ROBO1: variants seen among roughly 807,000 people sequenced by gnomAD.
ROBO1 encodes the protein roundabout homolog 1.
A neutral mutation model predicts 195.9 loss-of-function variants in ROBO1; 149 were observed. The ratio of observed to expected loss-of-function variants is 0.76; its 90% CI spans 0.67 to 0.87. The LOEUF is 0.87. ROBO1 is among the 40% of genes least tolerant of loss of function. The pLI, the probability that ROBO1 is intolerant of heterozygous loss-of-function variation, is 0.00. For missense variants in ROBO1, 1,933 were observed against 2,068.3 expected (o/e 0.93, Z 1.27); for synonymous variants, 816 against 733.2 (o/e 1.11, Z -1.82).
rs374944008 is a variant in ROBO1 at position 78,651,299 on chromosome 3, C to T, written c.2812+433G>A. On this transcript the variant is annotated intron_variant, in intron 19 of 30. Coordinates refer to ENST00000464233, the MANE Select transcript of ROBO1 (RefSeq NM_002941.4). ...AAGAAAGGAGTATTTTATAAATAAT[C>T]AAACGGCAGTATTTTCTATTTTGCT... Among the ~76,000 whole-genome samples the T allele has an allele frequency of 7.6e-4, 115 of 152,230 alleles. 1 individual carries two copies. Among genetic ancestry groups the T allele is most frequent in the Non-Finnish European group, 1.3e-3 (88 of 68,012 alleles).
At chr3:79,577,259 T>A (rs558157205) in intron 2 of ROBO1, among the ~76,000 whole-genome samples, 1 of 152,324 alleles carries the variant, frequency 6.6e-6, no homozygotes, top group Non-Finnish European at 1.5e-5. Context: ...TAGCGTCATT[T>A]ATTTACACTG....
intron 3 of ROBO1, among the ~76,000 whole-genome samples, chr3:79,105,987 G>T (rs1398211207): frequency 1.3e-5 from 2 of 151,694 alleles, no homozygotes; most frequent in East Asian, 1.9e-4. Flanking sequence ...TAAATTTAAA[G>T]TAAGGTAATG....
chr3:79,642,077 AAAT>A (rs1945681455), intron 1 of ROBO1, among the ~76,000 whole-genome samples: 1 of 152,190 alleles, frequency 6.6e-6, no homozygotes, highest in Non-Finnish European at 1.5e-5. Flanking sequence ...AAAGAAATTG[AAAT>A]AATAATAAAA....
intron 3 of ROBO1, among the ~76,000 whole-genome samples, chr3:78,949,270 G>T (rs1418362793): frequency 8.2e-6 from 1 of 121,660 alleles, no homozygotes; most frequent in Non-Finnish European, 1.7e-5. Context: ...ATACTACAAG[G>T]CTACAGTAAC....
At chr3:79,081,014 C>T (rs1249457423) in intron 3 of ROBO1, among the ~76,000 whole-genome samples, 1 of 152,010 alleles carries the variant, frequency 6.6e-6, no homozygotes, top group Non-Finnish European at 1.5e-5. Flanking sequence ...TATGCCTCAC[C>T]TTACATGAAA....
At chr3:79,236,889 T>A (rs1317783677) in intron 2 of ROBO1, among the ~76,000 whole-genome samples, 2 of 152,098 alleles carry the variant, frequency 1.3e-5, no homozygotes, top group African/African-American at 4.8e-5. Context: ...TTTGCTACAG[T>A]AGGAGTAAAA....
chr3:79,672,054 G>A (rs892522882), intron 1 of ROBO1, among the ~76,000 whole-genome samples: 7 of 151,808 alleles, frequency 4.6e-5, no homozygotes, highest in Non-Finnish European at 1.0e-4. Flanking sequence ...GAACAATTTG[G>A]GTTACTTCAA....
chr3:79,055,250 A>G (rs573768580), intron 3 of ROBO1, among the ~76,000 whole-genome samples: 1 of 152,250 alleles, frequency 6.6e-6, no homozygotes, highest in East Asian at 1.9e-4. Context: ...CAATTGCTCA[A>G]CTGCTTTTAC....
chr3:79,537,370 G>T (rs1253746717), intron 2 of ROBO1, among the ~76,000 whole-genome samples: 2 of 152,086 alleles, frequency 1.3e-5, no homozygotes, highest in Non-Finnish European at 2.9e-5. Context: ...TTACCCTGTG[G>T]ATATCTGGAG....
chr3:79,732,848 C>T (rs1703210647), intron 1 of ROBO1, among the ~76,000 whole-genome samples: 1 of 151,920 alleles, frequency 6.6e-6, no homozygotes, highest in Non-Finnish European at 1.5e-5. Context: ...TTTAAGTGAC[C>T]CTCTTTGATT....
chr3:79,069,066 G>C (rs1306343509), intron 3 of ROBO1, among the ~76,000 whole-genome samples: 3 of 151,616 alleles, frequency 2.0e-5, no homozygotes, highest in African/African-American at 7.3e-5. Context: ...GATCACTTCT[G>C]AAATTAAAAT....
chr3:78,771,840 T>G (rs922787149), intron 4 of ROBO1, among the ~76,000 whole-genome samples: 8 of 152,138 alleles, frequency 5.3e-5, no homozygotes, highest in Non-Finnish European at 8.8e-5. Context: ...TGAAGAGAGA[T>G]AGTTTGATGT....
intron 4 of ROBO1, among the ~76,000 whole-genome samples, chr3:78,889,600 T>C (rs764228773): frequency 1.3e-5 from 2 of 152,094 alleles, no homozygotes; most frequent in Non-Finnish European, 2.9e-5. Flanking sequence ...GCCATGTGTA[T>C]TGCCAGTTGG....
chr3:78,723,244 T>G (rs959665516), intron 5 of ROBO1, among the ~76,000 whole-genome samples: 1 of 152,158 alleles, frequency 6.6e-6, no homozygotes, highest in East Asian at 1.9e-4. Context: ...GTGTTAGAAT[T>G]GCCTACAGTA....
intron 24 of ROBO1, among the ~76,000 whole-genome samples, chr3:78,631,540 C>G (rs1705188578): frequency 2.0e-5 from 3 of 152,096 alleles, no homozygotes; most frequent in Non-Finnish European, 4.4e-5. Context: ...ATGAATGTTT[C>G]AAGTCATATC....
In ROBO1 at chr3:78,728,043, T is replaced by C. The variant is rs573776816; in HGVS notation, c.658-10160A>G. 5.3e-5 allele frequency among the ~76,000 whole-genome samples: 8 copies of C among 152,250 alleles called. No homozygotes were observed. The South Asian group carries it at 1.7e-3, about 32-fold the overall frequency. The stretch of plus-strand genomic sequence containing the variant: ...AAATAAACAATAAACCTCAGCCAAA[T>C]CACAGTTCTTCTTGGTTAGCAAAGT... On this transcript the variant is annotated intron_variant, in intron 5 of 30. Transcript: ENST00000464233.
intron 2 of ROBO1, among the ~76,000 whole-genome samples, chr3:79,435,583 A>G (rs1009819731): frequency 7.2e-5 from 11 of 152,110 alleles, no homozygotes; most frequent in African/African-American, 2.7e-4. Flanking sequence ...GAATTACCAT[A>G]TGTGCACATG....
At chr3:79,701,487 G>A (rs1947621126) in intron 1 of ROBO1, among the ~76,000 whole-genome samples, 1 of 151,606 alleles carries the variant, frequency 6.6e-6, no homozygotes, top group African/African-American at 2.4e-5. Context: ...TTCCTGTGGA[G>A]TCTGTAGAAC....
At position 79,173,168 on chromosome 3, in the gene ROBO1, G is replaced by A. The variant is rs576644772; in HGVS notation, c.89-47629C>T. Among the ~76,000 whole-genome samples, 502 of 152,062 alleles carry A rather than the reference G, an allele frequency of 3.3e-3. 2 individuals are homozygous for A. Among genetic ancestry groups the A allele is most frequent in the African/African-American group, 0.011 (464 of 41,486 alleles). The stretch of plus-strand genomic sequence containing the variant: ...AGACAATCACTACTGAGAGGTGACA[G>A]CGTGCTGGCAGCCCTCACAGCCCTC... On this transcript the variant is annotated intron_variant, in intron 2 of 30. Coordinates refer to ENST00000464233, the MANE Select transcript of ROBO1 (RefSeq NM_002941.4).
Sources: allele counts gnomAD v4.1 joint callset (sites outside exome capture counted in the v4.1 genomes callset), GRCh38; gene constraint gnomAD v4.1.1; transcripts MANE v1.5; gene names NCBI Gene and HGNC (gene_info 2026-07-23, HGNC 2026-07-21).